The following STPG2 variants were observed in gnomAD, a reference collection of about 807,000 sequenced individuals.
STPG2 encodes the protein sperm tail PG-rich repeat containing 2.
STPG2 carries 56 observed loss-of-function variants against 54.2 expected under a neutral mutation model. The ratio of observed to expected loss-of-function variants is 1.03; its 90% CI spans 0.83 to 1.29. STPG2 has a LOEUF of 1.29. Ranked by LOEUF, STPG2 falls within the 50% of genes most tolerant of loss-of-function variation. STPG2 has a pLI of 0.00. For missense variants in STPG2, 596 were observed against 544.9 expected (o/e 1.09, Z -0.93); for synonymous variants, 200 against 181.8 (o/e 1.10, Z -0.81).
intron 9 of STPG2, among the ~76,000 whole-genome samples, chr4:97,822,208 T>G (rs945066743): frequency 6.6e-6 from 1 of 152,256 alleles, no homozygotes; most frequent in Non-Finnish European, 1.5e-5. Flanking sequence ...AAATTTTTTC[T>G]GCTAGATACC....
chr4:98,140,959 T>C (rs895314407), intron 1 of STPG2, among the ~76,000 whole-genome samples: 8 of 152,122 alleles, frequency 5.3e-5, no homozygotes. Context: ...AGAATATGGA[T>C]AGCAAATGAG....
At chr4:97,513,397 T>G (rs938685371) in intron 4 of STPG2, among the ~76,000 whole-genome samples, 3 of 152,062 alleles carry the variant, frequency 2.0e-5, no homozygotes, top group Non-Finnish European at 2.9e-5. Flanking sequence ...CAACTCAACT[T>G]TCATCCTCCC....
chr4:97,926,090 C>A (rs964224602), intron 8 of STPG2, among the ~76,000 whole-genome samples: 1 of 152,088 alleles, frequency 6.6e-6, no homozygotes, highest in Non-Finnish European at 1.5e-5. Flanking sequence ...TGATCATAGG[C>A]CCTCTCTACC....
intron 9 of STPG2, among the ~76,000 whole-genome samples, chr4:97,720,520 C>G (rs1724416434): frequency 6.6e-6 from 1 of 151,916 alleles, no homozygotes; most frequent in Non-Finnish European, 1.5e-5. Flanking sequence ...ATTTGCCAAA[C>G]AAATATCATA....
At chr4:97,973,251 T>A (rs1165928988) in intron 6 of STPG2, among the ~76,000 whole-genome samples, 1 of 152,120 alleles carries the variant, frequency 6.6e-6, no homozygotes, top group African/African-American at 2.4e-5. Context: ...GGAGCAAAGG[T>A]GACTTTTGTT....
chr4:97,631,516 T>A (rs1023638043), intron 10 of STPG2, among the ~76,000 whole-genome samples: 2 of 152,098 alleles, frequency 1.3e-5, no homozygotes, highest in African/African-American at 4.8e-5. Flanking sequence ...ATTTTCAAGA[T>A]CTCTGTAGTT....
intron 9 of STPG2, among the ~76,000 whole-genome samples, chr4:97,829,893 T>TCTAA (rs1728394487): frequency 6.6e-6 from 1 of 152,104 alleles, no homozygotes; most frequent in Admixed American, 6.5e-5. Context: ...CAAATCTACG[T>TCTAA]TTGTTAGGTG....
At chr4:97,635,412 C>G (rs1189101090) in intron 10 of STPG2, among the ~76,000 whole-genome samples, 1 of 152,178 alleles carries the variant, frequency 6.6e-6, no homozygotes, top group Admixed American at 6.5e-5. Flanking sequence ...ACCATTGAGA[C>G]TAGGAAGAAA....
intron 10 of STPG2, among the ~76,000 whole-genome samples, chr4:97,578,743 G>T (rs1441311799): frequency 6.6e-6 from 1 of 152,046 alleles, no homozygotes; most frequent in African/African-American, 2.4e-5. Flanking sequence ...CAAAAAGAAA[G>T]GGTTCCAGTA....
chr4:98,019,004 C>G (rs1359872326), intron 5 of STPG2, among the ~76,000 whole-genome samples: 1 of 151,666 alleles, frequency 6.6e-6, no homozygotes, highest in Non-Finnish European at 1.5e-5. Context: ...TTTTGCTGTG[C>G]AGAAGCTCTT....
chr4:97,543,161 A>C (rs1731758873), intron 4 of STPG2, among the ~76,000 whole-genome samples: 1 of 150,924 alleles, frequency 6.6e-6, no homozygotes, highest in Admixed American at 6.6e-5. Flanking sequence ...AAAAATAAAG[A>C]CCAGTAAATC....
intron 5 of STPG2, among the ~76,000 whole-genome samples, chr4:98,006,894 C>T (rs1372857986): frequency 6.6e-6 from 1 of 152,118 alleles, no homozygotes; most frequent in East Asian, 1.9e-4. Context: ...TTGGGCCATC[C>T]TTCCCTTCCT....
intron 4 of STPG2, among the ~76,000 whole-genome samples, chr4:97,549,835 T>G: frequency 6.6e-6 from 1 of 152,282 alleles, no homozygotes; most frequent in South Asian, 2.1e-4. Context: ...GCTGACACCT[T>G]GATCTTGTAC....
In STPG2 at chr4:97,962,311, T is replaced by G. The variant is rs574929916; in HGVS notation, c.933+9969A>C. On this transcript the variant is annotated intron_variant, in intron 7 of 10. Transcript: ENST00000295268. The stretch of plus-strand genomic sequence containing the variant: ...ATCTCACAAATCACCACTAAAGAAT[T>G]TATTCATGTGACCAAACACTACCTA... Among the ~76,000 whole-genome samples, 8 of 152,138 alleles carry G rather than the reference T, an allele frequency of 5.3e-5. No individual in the cohort carries two copies. In the South Asian group the frequency reaches 1.7e-3, roughly 32 times the overall value.
intron 9 of STPG2, among the ~76,000 whole-genome samples, chr4:97,806,929 C>A (rs1476715060): frequency 1.3e-5 from 2 of 151,998 alleles, no homozygotes; most frequent in East Asian, 3.9e-4. Context: ...CTTCTTTCTC[C>A]TTTTCTCAAA....
At chr4:97,718,431 G>C (rs985079826) in intron 9 of STPG2, among the ~76,000 whole-genome samples, 2 of 151,960 alleles carry the variant, frequency 1.3e-5, no homozygotes, top group Non-Finnish European at 2.9e-5. Flanking sequence ...CTAGGAAAAA[G>C]CTAGAGTCAA....
chr4:98,123,914 C>A (rs1370233040), intron 3 of STPG2, among the ~76,000 whole-genome samples: 1 of 152,128 alleles, frequency 6.6e-6, no homozygotes, highest in Non-Finnish European at 1.5e-5. Context: ...TTCTTGTTGA[C>A]TTGAATCCTT....
intron 7 of STPG2, among the ~76,000 whole-genome samples, chr4:97,944,666 A>G (rs1578717638): frequency 1.3e-5 from 2 of 152,138 alleles, no homozygotes; most frequent in South Asian, 4.1e-4. Flanking sequence ...ATTTTTTTAC[A>G]CATTTTACTG....
At chr4:97,829,183 G>A (rs531728288) in intron 9 of STPG2, among the ~76,000 whole-genome samples, 14 of 152,214 alleles carry the variant, frequency 9.2e-5, no homozygotes, top group East Asian at 7.8e-4. Context: ...AGGAACAGGC[G>A]GCAATATCTT....
Sources: allele counts gnomAD v4.1 joint callset (sites outside exome capture counted in the v4.1 genomes callset), GRCh38; gene constraint gnomAD v4.1.1; transcripts MANE v1.5; gene names NCBI Gene and HGNC (gene_info 2026-07-23, HGNC 2026-07-21).